Variants in R3HDM1 observed in about 807,000 individuals in gnomAD.
The protein encoded by R3HDM1 is R3H domain containing 1, also known as R3H domain-containing protein 1.
A neutral mutation model predicts 141.1 loss-of-function variants in R3HDM1; 46 were observed. The observed-to-expected ratio is 0.33, with a 90% CI of 0.26 to 0.42. The LOEUF (loss-of-function observed/expected upper bound fraction) is 0.42. Among genes scored for constraint, R3HDM1 ranks in the 10% least tolerant of loss-of-function variants. The pLI, the probability that R3HDM1 is intolerant of heterozygous loss-of-function variation, is 1.00. For missense variants in R3HDM1, 1,184 were observed against 1,368.3 expected (o/e 0.87, Z 2.12); for synonymous variants, 435 against 472.9 (o/e 0.92, Z 1.04).
At chr2:135,664,363 T>A (rs959364505) in intron 19 of R3HDM1, among the ~76,000 whole-genome samples, 62 of 152,316 alleles carry the variant, frequency 4.1e-4, no homozygotes, top group Non-Finnish European at 9.0e-4. Context: ...TGTTTTTTTT[T>A]AATTACATAA....
intron 2 of R3HDM1, among the ~76,000 whole-genome samples, chr2:135,603,796 T>C (rs2059820750): frequency 6.6e-6 from 1 of 152,132 alleles, no homozygotes; most frequent in Admixed American, 6.5e-5. Context: ...TAGTAGAGTC[T>C]GGGTTTTGTC....
intron 7 of R3HDM1, among the ~76,000 whole-genome samples, chr2:135,627,466 A>T (rs2062160056): frequency 6.6e-6 from 1 of 152,160 alleles, no homozygotes; most frequent in Admixed American, 6.5e-5. Context: ...ATTTTCAGAG[A>T]CTACCCTATT....
intron 19 of R3HDM1, chr2:135,668,981 TG>T: frequency 3.9e-6 from 1 of 256,710 alleles, no homozygotes; most frequent in Non-Finnish European, 6.1e-6. Flanking sequence ...AACTGTGGGA[TG>T]TGGAACCTGA....
chr2:135,630,873 GGT>G (rs1432242202), intron 7 of R3HDM1, among the ~76,000 whole-genome samples: 1 of 151,956 alleles, frequency 6.6e-6, no homozygotes, highest in Non-Finnish European at 1.5e-5. Flanking sequence ...CCATGTTATG[GGT>G]GTGTGAGCAG....
intron 1 of R3HDM1, among the ~76,000 whole-genome samples, chr2:135,548,431 A>T (rs1201228373): frequency 6.6e-6 from 1 of 152,246 alleles, no homozygotes; most frequent in Non-Finnish European, 1.5e-5. Context: ...AAAGGCACAT[A>T]TGCATTTAGA....
rs767858779 is a variant in R3HDM1 at position 135,651,773 on chromosome 2, G to A, written c.1769G>A (p.Arg590His). 15 of 1,613,326 alleles carry A rather than the reference G, an allele frequency of 9.3e-6. No individual in the cohort carries two copies. The highest frequency in any genetic ancestry group is 2.7e-5 in the African/African-American group (2 of 74,834). The change falls in exon 18 of 27, where the codon CGC (arginine) becomes CAC (histidine). Residue 590 changes from arginine (R) to histidine (H), a missense_variant. Physicochemically the swap from Arg to His is conservative, Grantham distance 29. This residue lies in a region of R3HDM1 where 563 missense variants were observed against 562.0 expected (regional missense o/e 1.00). Coordinates refer to ENST00000683871, the MANE Select transcript of R3HDM1 (RefSeq NM_001378107.1). Reference protein sequence around the residue: ...GSQFSHMSLARQPSADGSDPH... With the variant: ...GSQFSHMSLAHQPSADGSDPH... ...CAGTTTAGCCACATGAGTCTTGCTC[G>A]CCAGCCATCTGCTGATGGTTCTGAC...
At chr2:135,595,896 TA>T (rs2059134048) in intron 1 of R3HDM1, among the ~76,000 whole-genome samples, 1 of 152,214 alleles carries the variant, frequency 6.6e-6, no homozygotes, top group South Asian at 2.1e-4. Flanking sequence ...AGAACAGGGT[TA>T]ATCTATATTG....
intron 2 of R3HDM1, among the ~76,000 whole-genome samples, chr2:135,603,407 A>G (rs1268715936): frequency 1.3e-5 from 2 of 152,206 alleles, no homozygotes; most frequent in East Asian, 1.9e-4. Flanking sequence ...TTTTATTACG[A>G]AAATTTTCAG....
intron 24 of R3HDM1, among the ~76,000 whole-genome samples, chr2:135,721,304 T>C (rs1318277237): frequency 6.6e-6 from 1 of 152,136 alleles, no homozygotes; most frequent in African/African-American, 2.4e-5. Context: ...ATAGTGAGAC[T>C]CTATCTCTAC....
rs2059720462 is a variant in R3HDM1, at chr2:135,602,789, G to T, written c.-41+81G>T. The T allele has an allele frequency of 3.3e-6, 4 of 1,210,534 alleles. No homozygotes were observed. In the South Asian group the frequency reaches 7.5e-5, roughly 23 times the overall value. The allele number at this position is 1,210,534 out of a possible 1,614,324, so 75.0% of individuals were successfully genotyped here. ...AAAAAGCAAGAAGCCAGTGTCTTAA[G>T]TAACTTCACCACCCTCTCCCTACTT... On this transcript the variant is annotated intron_variant, in intron 2 of 26. Coordinates refer to ENST00000683871, the MANE Select transcript of R3HDM1 (RefSeq NM_001378107.1).
At position 135,714,764 on chromosome 2, in the gene R3HDM1, TAC is replaced by T. The variant is rs144894901; in HGVS notation, c.2737-760_2737-759del. 1.6e-3 allele frequency among the ~76,000 whole-genome samples: 238 copies of T among 146,754 alleles called. 1 individual carries two copies. Among genetic ancestry groups the T allele is most frequent in the African/African-American group, 3.7e-3 (151 of 40,294 alleles). On this transcript the variant is annotated intron_variant, in intron 23 of 26. Transcript: ENST00000683871. ...ATATATATGTATATATATGGGTGTA[TAC>T]ACACACACACACACACACACACACA...
chr2:135,531,609 C>G lies in R3HDM1; in HGVS notation c.-274C>G. The stretch of plus-strand genomic sequence containing the variant: ...TCGCCCCGCCGCGCCGCGCTCCAAC[C>G]GCCTCCTCCTCCTCAGTAACGCGGG... On this transcript the variant is annotated 5_prime_UTR_variant, in exon 1 of 27. Transcript: ENST00000683871. The G allele has an allele frequency of 1.0e-6, 1 of 987,122 alleles. No individual in the cohort carries two copies. The highest frequency in any genetic ancestry group is 1.2e-6 in the Non-Finnish European group (1 of 830,918). 61.1% of individuals were successfully genotyped at this position (987,122 alleles called of 1,614,324 possible).
chr2:135,636,409 A>G (rs1310421800), intron 11 of R3HDM1, among the ~76,000 whole-genome samples: 2 of 152,198 alleles, frequency 1.3e-5, no homozygotes, highest in Non-Finnish European at 2.9e-5. Flanking sequence ...GGAAGCAGGT[A>G]GACTACAGGA....
chr2:135,658,412 C>T (rs558008969), intron 18 of R3HDM1, among the ~76,000 whole-genome samples: 3 of 152,226 alleles, frequency 2.0e-5, no homozygotes, highest in Non-Finnish European at 2.9e-5. Flanking sequence ...GTGATCTGCC[C>T]GCCTCAGCCT....
chr2:135,532,038 G>GC (rs1190194523), intron 1 of R3HDM1, among the ~76,000 whole-genome samples: 1 of 152,216 alleles, frequency 6.6e-6, no homozygotes, highest in Non-Finnish European at 1.5e-5. Context: ...TGCTCTTGCA[G>GC]CCCCAGGGAC....
intron 1 of R3HDM1, among the ~76,000 whole-genome samples, chr2:135,579,595 C>CGGG (rs371620854): frequency 4.1e-3 from 356 of 86,704 alleles, no homozygotes; most frequent in African/African-American, 0.019. Flanking sequence ...TATGGGGTGG[C>CGGG]GGGGGGGGGT....
chr2:135,661,248 C>A (rs746577726), intron 18 of R3HDM1, 22 bp from the exon 19 acceptor site: 22 of 1,611,612 alleles, frequency 1.4e-5, no homozygotes, highest in Non-Finnish European at 1.8e-5. Flanking sequence ...TTGATTTTTT[C>A]CCGCAATATT....
intron 1 of R3HDM1, among the ~76,000 whole-genome samples, chr2:135,585,844 G>A (rs1193981145): frequency 6.6e-6 from 1 of 152,064 alleles, no homozygotes; most frequent in Non-Finnish European, 1.5e-5. Flanking sequence ...TTTAATTTTA[G>A]CAAAAACAGA....
intron 7 of R3HDM1, among the ~76,000 whole-genome samples, chr2:135,624,959 G>A (rs1280265264): frequency 6.6e-6 from 1 of 152,176 alleles, no homozygotes; most frequent in East Asian, 1.9e-4. Flanking sequence ...CTGGTGGCAT[G>A]TGCTTGTAGT....
Sources: gnomAD v4.1 joint callset for allele counts (sites outside exome capture counted in the v4.1 genomes callset) on GRCh38, gnomAD v4.1.1 for gene constraint, gnomAD v4.1.1 regional missense constraint, MANE v1.5 for transcripts, NCBI Gene and HGNC (gene_info 2026-07-23, HGNC 2026-07-21) for gene names.